ZBTB20: variants seen among roughly 807,000 people sequenced by gnomAD.
ZBTB20 encodes the protein zinc finger and BTB domain containing 20.
A neutral mutation model predicts 56.9 loss-of-function variants in ZBTB20; 9 were observed. The ratio of observed to expected loss-of-function variants is 0.16; its 90% CI spans 0.10 to 0.28. ZBTB20 has a LOEUF of 0.28. ZBTB20 is among the 10% of genes least tolerant of loss of function. The pLI is 1.00. For synonymous variants in ZBTB20, 417 were observed against 420.7 expected (o/e 0.99, Z 0.11); for missense variants, 655 against 1,003.0 (o/e 0.65, Z 4.69).
chr3:114,679,236 G>A (rs1441293653), intron 6 of ZBTB20, among the ~76,000 whole-genome samples: 1 of 152,184 alleles, frequency 6.6e-6, no homozygotes, highest in Non-Finnish European at 1.5e-5. Flanking sequence ...AAGACTTCAT[G>A]ACTAAAACAC....
intron 6 of ZBTB20, among the ~76,000 whole-genome samples, chr3:114,607,045 C>T (rs1392840158): frequency 2.0e-5 from 3 of 151,626 alleles, no homozygotes; most frequent in Non-Finnish European, 4.4e-5. Context: ...TTGCAGTGAG[C>T]CGAGATCACG....
At chr3:114,780,588 A>G (rs1353382937) in intron 5 of ZBTB20, among the ~76,000 whole-genome samples, 2 of 152,140 alleles carry the variant, frequency 1.3e-5, no homozygotes, top group Non-Finnish European at 2.9e-5. Context: ...CCCGGGTTCA[A>G]GCGATTCTCC....
At position 114,329,725 on chromosome 3, in the gene ZBTB20, A is replaced by AAC. The variant is rs1158325932; in HGVS notation, c.*9279_*9280insGT. On this transcript the variant is annotated 3_prime_UTR_variant, in exon 12 of 12. Transcript: ENST00000675478. ...CTTTTTTTGGAAAAAAAAAAAAAAA[A>AAC]AAAAAAAAAAAACAACTCCCAGGAA... 9.5e-5 allele frequency: 14 copies of AAC among 148,142 alleles called. No homozygotes were observed. The highest frequency in any genetic ancestry group is 3.5e-4 in the African/African-American group (14 of 40,548). The allele number at this position is 148,142 out of a possible 1,614,324, so 9.2% of individuals were successfully genotyped here.
At chr3:115,140,285 TA>T (rs770791395) in intron 1 of ZBTB20, among the ~76,000 whole-genome samples, 13 of 152,198 alleles carry the variant, frequency 8.5e-5, no homozygotes, top group Admixed American at 1.3e-4. Flanking sequence ...GAGTTGAATT[TA>T]ATATATGAGA....
chr3:114,406,360 C>T (rs1478855583), intron 7 of ZBTB20, among the ~76,000 whole-genome samples: 1 of 152,132 alleles, frequency 6.6e-6, no homozygotes, highest in Non-Finnish European at 1.5e-5. Flanking sequence ...TTTGAACTGG[C>T]TTCAGGAAGA....
chr3:114,673,509 C>T (rs141585910), intron 6 of ZBTB20, among the ~76,000 whole-genome samples: 90 of 152,122 alleles, frequency 5.9e-4, no homozygotes, highest in African/African-American at 2.1e-3. Flanking sequence ...AAGGCTGAAA[C>T]CATTATAAGT....
In ZBTB20 at chr3:114,316,214, T is replaced by G; in HGVS notation, c.*22791A>C. ...AATGGTATATAGAACATTACTGCAT[T>G]CGCATCGGATCAAGATGGTTTCGCC... On this transcript the variant is annotated 3_prime_UTR_variant, in exon 12 of 12. Coordinates refer to ENST00000675478, the MANE Select transcript of ZBTB20 (RefSeq NM_001348800.3). The G allele has an allele frequency of 3.2e-6, 1 of 310,696 alleles. No individual in the cohort carries two copies. The allele number at this position is 310,696 out of a possible 1,614,324, so 19.2% of individuals were successfully genotyped here. A position where few individuals can be genotyped will look rare whatever the true frequency, so the allele number is the denominator to read the frequency against.
chr3:114,631,459 C>T (rs1392101696), intron 6 of ZBTB20, among the ~76,000 whole-genome samples: 1 of 115,902 alleles, frequency 8.6e-6, no homozygotes, highest in Non-Finnish European at 1.6e-5. Context: ...GTGGTGCAAT[C>T]TTGGCTCACT....
intron 6 of ZBTB20, among the ~76,000 whole-genome samples, chr3:114,690,984 CAAATTAGCATCCT>C (rs1222779850): frequency 1.3e-5 from 2 of 151,908 alleles, no homozygotes; most frequent in Admixed American, 6.6e-5. Flanking sequence ...ATCTGGCAGG[CAAATTAGCATCCT>C]AAATTTGAGT....
chr3:115,140,415 G>C (rs2084779719), intron 1 of ZBTB20, among the ~76,000 whole-genome samples: 1 of 151,928 alleles, frequency 6.6e-6, no homozygotes, highest in African/African-American at 2.4e-5. Flanking sequence ...GTAAAAACTC[G>C]TTAGAAGTAA....
At chr3:114,864,251 T>C (rs1203178731) in intron 4 of ZBTB20, among the ~76,000 whole-genome samples, 2 of 152,094 alleles carry the variant, frequency 1.3e-5, no homozygotes, top group East Asian at 3.9e-4. Flanking sequence ...AATCTTCATA[T>C]ATATGTCCAT....
chr3:114,931,771 T>C (rs772442099), intron 3 of ZBTB20, among the ~76,000 whole-genome samples: 1 of 152,110 alleles, frequency 6.6e-6, no homozygotes, highest in East Asian at 1.9e-4. Flanking sequence ...ATATGTCAAG[T>C]TGAGATTTTT....
chr3:114,608,849 G>A (rs545419662), intron 6 of ZBTB20, among the ~76,000 whole-genome samples: 1 of 152,178 alleles, frequency 6.6e-6, no homozygotes, highest in East Asian at 1.9e-4. Flanking sequence ...TACTCTACTG[G>A]AAGTGATCTT....
At chr3:114,801,310 T>TC (rs2071693381) in intron 4 of ZBTB20, 136 bp from the exon 5 acceptor site, 1 of 148,358 alleles carries the variant, frequency 6.7e-6, no homozygotes, top group Non-Finnish European at 1.5e-5. Flanking sequence ...TTTTTCTTTT[T>TC]TTTTTTTTTT....
chr3:114,842,246 T>C (rs1383825123), intron 4 of ZBTB20, among the ~76,000 whole-genome samples: 1 of 152,178 alleles, frequency 6.6e-6, no homozygotes, highest in Non-Finnish European at 1.5e-5. Context: ...GCCTGGACTG[T>C]TGCCTAGGTG....
chr3:114,886,742 G>A (rs1192064492), intron 4 of ZBTB20, among the ~76,000 whole-genome samples: 1 of 152,112 alleles, frequency 6.6e-6, no homozygotes, highest in African/African-American at 2.4e-5. Flanking sequence ...AAAAAAGTAT[G>A]ACAGAAAATG....
intron 2 of ZBTB20, among the ~76,000 whole-genome samples, chr3:115,021,997 A>G (rs2080224130): frequency 6.6e-6 from 1 of 150,818 alleles, no homozygotes. Flanking sequence ...GAATACTAGC[A>G]ACATTTTGGC....
At chr3:114,768,658 T>C (rs1400939005) in intron 5 of ZBTB20, among the ~76,000 whole-genome samples, 1 of 152,180 alleles carries the variant, frequency 6.6e-6, no homozygotes. Flanking sequence ...TAAAACATAA[T>C]AATGTTTCGC....
chr3:114,671,701 T>C (rs1446995718), intron 6 of ZBTB20, among the ~76,000 whole-genome samples: 1 of 151,478 alleles, frequency 6.6e-6, no homozygotes, highest in East Asian at 1.9e-4. Context: ...AGATGAAAAA[T>C]TCAGAGGCAG....
Sources: allele counts gnomAD v4.1 joint callset (sites outside exome capture counted in the v4.1 genomes callset), GRCh38; gene constraint gnomAD v4.1.1; transcripts MANE v1.5; gene names NCBI Gene and HGNC (gene_info 2026-07-23, HGNC 2026-07-21).